Variants in SMYD3 observed in about 807,000 individuals in gnomAD.
The protein encoded by SMYD3 is SET and MYND domain containing 3, also known as histone-lysine N-methyltransferase SMYD3.
Under a neutral mutation model 57.7 loss-of-function variants are expected in SMYD3, and 36 were observed. The ratio of observed to expected loss-of-function variants is 0.62; its 90% CI spans 0.48 to 0.82. SMYD3 has a LOEUF of 0.82. Among genes scored for constraint, SMYD3 ranks in the 40% least tolerant of loss-of-function variants. SMYD3 has a pLI of 0.00. For missense variants in SMYD3, 515 were observed against 538.8 expected, an observed-to-expected ratio of 0.96 and a Z score of 0.44; for synonymous variants, 211 against 195.0, an observed-to-expected ratio of 1.08 and a Z score of -0.68.
intron 5 of SMYD3, among the ~76,000 whole-genome samples, chr1:246,140,925 G>C (rs899653627): frequency 6.6e-6 from 1 of 152,104 alleles, no homozygotes; most frequent in Non-Finnish European, 1.5e-5. Flanking sequence ...TGCACATCAC[G>C]GTCACTGGCT....
At chr1:245,903,010 T>C (rs1439170160) in intron 8 of SMYD3, among the ~76,000 whole-genome samples, 1 of 152,118 alleles carries the variant, frequency 6.6e-6, no homozygotes, top group African/African-American at 2.4e-5. Flanking sequence ...AGGAAATCTA[T>C]GATATGCTTG....
intron 5 of SMYD3, among the ~76,000 whole-genome samples, chr1:246,161,399 T>C (rs545452573): frequency 2.6e-5 from 4 of 152,290 alleles, no homozygotes; most frequent in Admixed American, 2.6e-4. Flanking sequence ...TCAGGCATCC[T>C]CTCTTCCAGG....
rs190923980 is a variant in SMYD3 at position 246,189,983 on chromosome 1, C to T, written c.531+137218G>A. Among the ~76,000 whole-genome samples, 163 of 152,248 alleles carry T rather than the reference C, an allele frequency of 1.1e-3. 1 individual carries two copies. The highest frequency in any genetic ancestry group is 3.7e-3 in the African/African-American group (153 of 41,532). ...GAAATATGGAGATCAGTTTTAAAGG[C>T]AGGATTTGTTTTTGTGGAGTCTAAT... On this transcript the variant is annotated intron_variant, in intron 5 of 11. Transcript: ENST00000490107.
At chr1:246,378,755 A>AATTAATAT in intron 1 of SMYD3, among the ~76,000 whole-genome samples, 1 of 41,178 alleles carries the variant, frequency 2.4e-5, no homozygotes, top group Non-Finnish European at 5.7e-5. Flanking sequence ...TATATAATAT[A>AATTAATAT]TTTAATATAT....
intron 1 of SMYD3, chr1:246,426,075 C>G (rs2067213373): frequency 6.6e-6 from 1 of 152,090 alleles, no homozygotes. Context: ...CTATAACTGA[C>G]TGAAAAGTCA....
intron 1 of SMYD3, among the ~76,000 whole-genome samples, chr1:246,485,885 ACTTTT>A (rs2068180188): frequency 6.6e-6 from 1 of 152,198 alleles, no homozygotes; most frequent in Non-Finnish European, 1.5e-5. Context: ...TCTGAACTTC[ACTTTT>A]CTTATCTGTA....
At chr1:246,077,092 G>A (rs1189655553) in intron 5 of SMYD3, among the ~76,000 whole-genome samples, 2 of 152,166 alleles carry the variant, frequency 1.3e-5, no homozygotes, top group Non-Finnish European at 2.9e-5. Flanking sequence ...TCAGGGAAAG[G>A]TGACTGGCTC....
rs2065611173 is a variant in SMYD3, at chr1:246,340,203, A to G, written c.229-4729T>C. 2.0e-5 allele frequency among the ~76,000 whole-genome samples: 3 copies of G among 150,276 alleles called. No individual in the cohort carries two copies. The South Asian group carries it at 6.2e-4, about 31-fold the overall frequency. On this transcript the variant is annotated intron_variant, in intron 2 of 11. Transcript: ENST00000490107. The stretch of plus-strand genomic sequence containing the variant: ...GTGGAAAAAGTGTTTTAAACAGAAC[A>G]TAAAATGTAAAAACCATAAAGGAAA...
At chr1:246,168,602 T>G (rs2062264235) in intron 5 of SMYD3, among the ~76,000 whole-genome samples, 1 of 152,208 alleles carries the variant, frequency 6.6e-6, no homozygotes, top group Admixed American at 6.5e-5. Context: ...GTTTACAAGC[T>G]GCTGTACTTT....
At chr1:245,937,780 C>G (rs2057042879) in intron 5 of SMYD3, among the ~76,000 whole-genome samples, 1 of 152,208 alleles carries the variant, frequency 6.6e-6, no homozygotes, top group African/African-American at 2.4e-5. Context: ...AAAACATTCT[C>G]TTCTATGATA....
chr1:246,009,773 C>G (rs1247059442), intron 5 of SMYD3, among the ~76,000 whole-genome samples: 1 of 140,258 alleles, frequency 7.1e-6, no homozygotes, highest in Non-Finnish European at 1.5e-5. Context: ...GTAGAAGAAG[C>G]TATTGGAATA....
chr1:246,424,143 G>A (rs1349336640), intron 1 of SMYD3, among the ~76,000 whole-genome samples: 1 of 152,136 alleles, frequency 6.6e-6, no homozygotes, highest in Non-Finnish European at 1.5e-5. Flanking sequence ...ACAATGTACC[G>A]TGGGGTTTAT....
In SMYD3 at chr1:246,026,626, G is replaced by T. The variant is rs1369890723; in HGVS notation, c.532-96689C>A. Among the ~76,000 whole-genome samples the T allele has an allele frequency of 2.0e-5, 3 of 152,026 alleles. No individual in the cohort carries two copies. In the East Asian group the frequency reaches 5.8e-4, roughly 29 times the overall value. On this transcript the variant is annotated intron_variant, in intron 5 of 11. Transcript: ENST00000490107. ...TGACATTACTACTGTAATTGTTTTG[G>T]GGCACCATGAACAGTGCCCATATGA... is the stretch of plus-strand genomic sequence containing the variant.
At chr1:245,885,103 G>A (rs187242719) in intron 8 of SMYD3, among the ~76,000 whole-genome samples, 9 of 152,078 alleles carry the variant, frequency 5.9e-5, no homozygotes, top group East Asian at 5.8e-4. Flanking sequence ...CTCTGTACAC[G>A]CCACCTTTAA....
At chr1:246,321,957 A>G (rs1241608727) in intron 5 of SMYD3, 1 of 152,518 alleles carries the variant, frequency 6.6e-6, no homozygotes, top group East Asian at 1.9e-4. Context: ...GCATCTCGCT[A>G]TGTTGCCCAG....
intron 5 of SMYD3, among the ~76,000 whole-genome samples, chr1:246,150,788 C>A (rs182216797): frequency 3.2e-3 from 486 of 152,322 alleles, no homozygotes; most frequent in Non-Finnish European, 5.6e-3. Flanking sequence ...CACATTACCA[C>A]AGTGACATCC....
intron 1 of SMYD3, among the ~76,000 whole-genome samples, chr1:246,378,450 T>C (rs1286699790): frequency 6.6e-6 from 1 of 151,236 alleles, no homozygotes; most frequent in Non-Finnish European, 1.5e-5. Context: ...GGCAGAAAAA[T>C]GTAAAAAGAG....
intron 5 of SMYD3, among the ~76,000 whole-genome samples, chr1:246,013,874 C>A (rs1231095875): frequency 6.6e-6 from 1 of 152,144 alleles, no homozygotes; most frequent in Non-Finnish European, 1.5e-5. Context: ...GAGGGTTGGA[C>A]AAGTACCCTC....
At chr1:246,409,508 G>A (rs558134761) in intron 1 of SMYD3, among the ~76,000 whole-genome samples, 4,340 of 152,198 alleles carry the variant, frequency 0.029, 103 homozygotes, top group Non-Finnish European at 0.043. Flanking sequence ...TTATTTCTGA[G>A]GGCTCTGTTC....
Sources: gnomAD v4.1 joint callset for allele counts (sites outside exome capture counted in the v4.1 genomes callset) on GRCh38, gnomAD v4.1.1 for gene constraint, MANE v1.5 for transcripts, NCBI Gene and HGNC (gene_info 2026-07-23, HGNC 2026-07-21) for gene names.